The following CD9 variants were observed in gnomAD, a reference collection of about 807,000 sequenced individuals.
The protein encoded by CD9 is CD9 molecule.
In CD9, 10 loss-of-function variants were observed where a neutral mutation model predicts 31.4. The ratio of observed to expected loss-of-function variants is 0.32; its 90% CI spans 0.20 to 0.54. The LOEUF is 0.54. Ranked by LOEUF, CD9 falls within the 20% of genes least tolerant of loss-of-function variation. The pLI is 0.94. For synonymous variants in CD9, 113 were observed against 114.1 expected (o/e 0.99, Z 0.06); for missense variants, 259 against 300.1 (o/e 0.86, Z 1.01).
intron 2 of CD9, among the ~76,000 whole-genome samples, chr12:6,231,384 C>T (rs189406910): frequency 1.3e-5 from 2 of 152,286 alleles, no homozygotes; most frequent in African/African-American, 2.4e-5. Context: ...AAGTGGCTTC[C>T]CCAGAGTCAC....
rs1000691264 is a variant in CD9 at position 6,232,548 on chromosome 12, C to G, written c.176-84C>G. 3 of 832,222 alleles carry G rather than the reference C, an allele frequency of 3.6e-6. No individual in the cohort carries two copies. In the African/African-American group the frequency reaches 5.0e-5, roughly 14 times the overall value. 51.6% of individuals were successfully genotyped at this position (832,222 alleles called of 1,614,324 possible). A position where few individuals can be genotyped will look rare whatever the true frequency, so the allele number is the denominator to read the frequency against. On this transcript the variant is annotated intron_variant, in intron 2 of 7. Transcript: ENST00000009180. The surrounding 1 kb of genome is among the most constrained non-coding windows in gnomAD (Gnocchi z 4.8). Reference sequence around the variant, plus strand: ...AGGAGGTGGGGAGGCAGGAGTTAGGCAGAGGGAAACAGGAATTGCCGGAGA... The same window carrying G: ...AGGAGGTGGGGAGGCAGGAGTTAGGGAGAGGGAAACAGGAATTGCCGGAGA...
intron 1 of CD9, among the ~76,000 whole-genome samples, chr12:6,209,512 A>G (rs961480895): frequency 5.3e-5 from 8 of 151,994 alleles, no homozygotes; most frequent in Non-Finnish European, 1.0e-4. Flanking sequence ...CTTTCTCACA[A>G]TGTGGGACTG....
At chr12:6,204,886 G>C (rs1435324320) in intron 1 of CD9, among the ~76,000 whole-genome samples, 1 of 152,228 alleles carries the variant, frequency 6.6e-6, no homozygotes, top group East Asian at 1.9e-4. Context: ...GCCCCTTCCT[G>C]TATCAGTGCC....
At chr12:6,199,970 G>A (rs531522433), upstream of CD9, 2 of 152,222 alleles carry the variant, frequency 1.3e-5, no homozygotes, top group East Asian at 1.9e-4. Flanking sequence ...CCTTGGCCAA[G>A]GGGCCTTTAG....
chr12:6,234,800 G>T (rs1410806813), intron 4 of CD9, among the ~76,000 whole-genome samples: 2 of 152,204 alleles, frequency 1.3e-5, no homozygotes, highest in Admixed American at 1.3e-4. Context: ...GACAAATGTG[G>T]AAACTCCATA....
At chr12:6,233,542 G>A in intron 4 of CD9, 56 bp downstream of exon 4, 5 of 1,327,952 alleles carry the variant, frequency 3.8e-6, no homozygotes, top group Non-Finnish European at 5.4e-6. Context: ...GGGGGACAGT[G>A]AAGCAGGGGG....
At chr12:6,213,202 T>G (rs1946210151) in intron 1 of CD9, among the ~76,000 whole-genome samples, 1 of 152,220 alleles carries the variant, frequency 6.6e-6, no homozygotes, top group Admixed American at 6.5e-5. Context: ...GTACCTCTCC[T>G]TAACATTTTT....
chr12:6,214,733 G>C (rs1384967768), intron 1 of CD9, among the ~76,000 whole-genome samples: 1 of 152,092 alleles, frequency 6.6e-6, no homozygotes, highest in Non-Finnish European at 1.5e-5. Context: ...ACAGCGAGCT[G>C]GCCTAGGGAG....
intron 2 of CD9, among the ~76,000 whole-genome samples, chr12:6,230,854 G>A (rs886081721): frequency 6.6e-6 from 1 of 152,220 alleles, no homozygotes; most frequent in Non-Finnish European, 1.5e-5. Flanking sequence ...TGCAACATGG[G>A]GTTTGCCAGT....
Position 6,237,777 on chromosome 12 carries a change from C to T in CD9, c.636C>T (p.Ile212=), listed in dbSNP as rs913329230. The change falls in exon 8 of 8, where the codon ATC becomes ATT. Residue 212 remains isoleucine, a synonymous_variant. Coordinates refer to ENST00000009180, the MANE Select transcript of CD9 (RefSeq NM_001769.4). Reference sequence around the variant, plus strand: ...CTATCTCCTAGATATTTGGCATGATCTTCAGTATGATCTTGTGCTGTGCTA... The same window carrying T: ...CTATCTCCTAGATATTTGGCATGATTTTCAGTATGATCTTGTGCTGTGCTA... ...GIAVVMIFGM[I]FSMILCCAIR... 6.2e-7 allele frequency: 1 copy of T among 1,612,962 alleles called. No individual in the cohort carries two copies. The highest frequency in any genetic ancestry group is 8.5e-7 in the Non-Finnish European group (1 of 1,179,070).
chr12:6,208,755 G>T (rs2136604002), intron 1 of CD9, among the ~76,000 whole-genome samples: 1 of 151,696 alleles, frequency 6.6e-6, no homozygotes, highest in East Asian at 2.0e-4. Context: ...GTAGAGACGG[G>T]GTTTCTCCAT....
intron 1 of CD9, among the ~76,000 whole-genome samples, chr12:6,217,518 G>T (rs367644325): frequency 2.6e-5 from 4 of 152,144 alleles, no homozygotes; most frequent in African/African-American, 9.7e-5. Context: ...GTGACAGATT[G>T]AGACCTGTCT....
rs541738626 is a variant in CD9, at chr12:6,230,134, T to A, written c.176-2498T>A. Among the ~76,000 whole-genome samples the A allele has an allele frequency of 1.4e-4, 21 of 152,316 alleles. No homozygotes were observed. The South Asian group carries it at 3.9e-3, about 29-fold the overall frequency. ...GACTTCCATGGGGCCTGCTTCCAGA[T>A]GAGCTGTCCTGTAGCTTGCCGGCTG... is the stretch of plus-strand genomic sequence containing the variant. On this transcript the variant is annotated intron_variant, in intron 2 of 7. Transcript: ENST00000009180.
intron 1 of CD9, among the ~76,000 whole-genome samples, chr12:6,219,874 A>G (rs560663131): frequency 6.6e-6 from 1 of 152,354 alleles, no homozygotes; most frequent in South Asian, 2.1e-4. Flanking sequence ...AATGAAGAGG[A>G]CACAGGAGAG....
chr12:6,233,753 C>G (rs1018288106), intron 4 of CD9, among the ~76,000 whole-genome samples: 1 of 152,054 alleles, frequency 6.6e-6, no homozygotes, highest in African/African-American at 2.4e-5. Flanking sequence ...GTGCGTGTGT[C>G]TGTCTGTCCA....
rs936180687 is a variant in CD9 at position 6,232,972 on chromosome 12, G to A, written c.273+243G>A. 1.4e-6 allele frequency: 1 copy of A among 702,318 alleles called. No individual in the cohort carries two copies. The highest frequency in any genetic ancestry group is 1.7e-5 in the African/African-American group (1 of 57,236). The allele number at this position is 702,318 out of a possible 1,614,324, so 43.5% of individuals were successfully genotyped here. Reference sequence around the variant, plus strand: ...GGACTATGTTTCCCCCTTTTCTCGAGGACCACGTTTGCTTTTTTTCCCTGA... The same window carrying A: ...GGACTATGTTTCCCCCTTTTCTCGAAGACCACGTTTGCTTTTTTTCCCTGA... On this transcript the variant is annotated intron_variant, in intron 3 of 7. Transcript: ENST00000009180. This position sits in a 1 kb window ranked among gnomAD's most constrained non-coding sequence, Gnocchi z 4.8.
At chr12:6,200,811 C>T in intron 1 of CD9, 1 of 432,480 alleles carries the variant, frequency 2.3e-6, no homozygotes, top group Non-Finnish European at 4.1e-6. Flanking sequence ...GGAGCCGGGC[C>T]CTCTTGAGAT....
At chr12:6,225,588 T>A in intron 2 of CD9, 54 bp downstream of exon 2, 2 of 1,219,838 alleles carry the variant, frequency 1.6e-6, no homozygotes, top group Non-Finnish European at 2.4e-6. Context: ...ACAAAGTTCC[T>A]GCAACTTTGG....
chr12:6,205,565 A>G (rs1946121796), intron 1 of CD9, among the ~76,000 whole-genome samples: 1 of 152,146 alleles, frequency 6.6e-6, no homozygotes, highest in Middle Eastern at 3.2e-3. Flanking sequence ...GCAGTGTTGG[A>G]TGAGAATCTC....
Sources: gnomAD v4.1 joint callset for allele counts (sites outside exome capture counted in the v4.1 genomes callset) on GRCh38, gnomAD v4.1.1 for gene constraint, Gnocchi (gnomAD v3.1) non-coding constraint, MANE v1.5 for transcripts, NCBI Gene and HGNC (gene_info 2026-07-23, HGNC 2026-07-21) for gene names.